The following NTM variants were observed in gnomAD, a reference collection of about 807,000 sequenced individuals.
NTM encodes the protein neurotrimin.
NTM carries 13 observed loss-of-function variants against 42.1 expected under a neutral mutation model. That is an observed-to-expected ratio of 0.31 (90% CI 0.20 to 0.49). The LOEUF (loss-of-function observed/expected upper bound fraction) is 0.49. Among genes scored for constraint, NTM ranks in the 20% least tolerant of loss-of-function variants. The pLI, the probability that NTM is intolerant of heterozygous loss-of-function variation, is 0.99. For synonymous variants in NTM, 187 were observed against 179.2 expected, an observed-to-expected ratio of 1.04 and a Z score of -0.35; for missense variants, 373 against 452.8, an observed-to-expected ratio of 0.82 and a Z score of 1.60.
At chr11:132,307,862 AG>A in intron 5 of NTM, 39 bp downstream of exon 5, 1 of 1,601,326 alleles carries the variant, frequency 6.2e-7, no homozygotes, top group Non-Finnish European at 8.5e-7. Context: ...CACGTGCATC[AG>A]GCTGGCCTGT....
chr11:131,554,763 A>G (rs2136942736), intron 1 of NTM, among the ~76,000 whole-genome samples: 1 of 152,214 alleles, frequency 6.6e-6, no homozygotes, highest in East Asian at 1.9e-4. Context: ...TTTTGAAATC[A>G]CCTGGATTTT....
intron 2 of NTM, among the ~76,000 whole-genome samples, chr11:132,056,980 T>A (rs1256682643): frequency 6.6e-6 from 1 of 152,192 alleles, no homozygotes; most frequent in African/African-American, 2.4e-5. Context: ...CGTATAGCAG[T>A]GTTAGTACGA....
chr11:131,450,870 G>A (rs370847781), intron 1 of NTM, among the ~76,000 whole-genome samples: 31 of 152,014 alleles, frequency 2.0e-4, no homozygotes, highest in African/African-American at 6.0e-4. Flanking sequence ...GTTATGAATC[G>A]TAGTAGATGC....
chr11:131,584,822 T>C (rs151214838), intron 1 of NTM, among the ~76,000 whole-genome samples: 2,052 of 152,274 alleles, frequency 0.013, 43 homozygotes, highest in Non-Finnish European at 0.017. Flanking sequence ...CTGGGATCCA[T>C]GTGACCCTTT....
chr11:132,162,845 A>G (rs980228782), intron 3 of NTM, among the ~76,000 whole-genome samples: 1 of 151,602 alleles, frequency 6.6e-6, no homozygotes, highest in African/African-American at 2.4e-5. Flanking sequence ...TTTGTGGAGC[A>G]TGTGTGAGTG....
intron 1 of NTM, among the ~76,000 whole-genome samples, chr11:131,631,309 C>T (rs2063633367): frequency 6.6e-6 from 1 of 152,158 alleles, no homozygotes. Context: ...CAGAGAAAAC[C>T]ACGCAAATAA....
At chr11:131,441,653 A>G (rs1949635958) in intron 1 of NTM, among the ~76,000 whole-genome samples, 1 of 152,176 alleles carries the variant, frequency 6.6e-6, no homozygotes, top group Admixed American at 6.5e-5. Context: ...CCAAACCCAT[A>G]TGAATGAATT....
intron 1 of NTM, among the ~76,000 whole-genome samples, chr11:131,558,624 T>C (rs1222504807): frequency 6.6e-6 from 1 of 152,222 alleles, no homozygotes; most frequent in East Asian, 1.9e-4. Flanking sequence ...TTTAGACTAT[T>C]CTTTGCTAAT....
At chr11:132,196,243 T>G (rs1467006732) in intron 3 of NTM, among the ~76,000 whole-genome samples, 2 of 152,030 alleles carry the variant, frequency 1.3e-5, no homozygotes, top group African/African-American at 4.8e-5. Context: ...CAAACCACAA[T>G]GAGATACCAT....
intron 1 of NTM, among the ~76,000 whole-genome samples, chr11:131,851,998 T>C (rs76722778): frequency 0.015 from 2,255 of 152,224 alleles, 61 homozygotes; most frequent in African/African-American, 0.051. Context: ...GCTTGCCATG[T>C]TGAGGATGAG....
At chr11:131,430,514 T>C (rs1948566149) in intron 1 of NTM, among the ~76,000 whole-genome samples, 1 of 152,138 alleles carries the variant, frequency 6.6e-6, no homozygotes, top group African/African-American at 2.4e-5. Context: ...CACAGCTTTT[T>C]CTCCTGGGCC....
chr11:131,665,621 C>A (rs1021754363), intron 1 of NTM, among the ~76,000 whole-genome samples: 1 of 152,216 alleles, frequency 6.6e-6, no homozygotes, highest in African/African-American at 2.4e-5. Context: ...TGATCTTGAA[C>A]TTCTAACCTG....
chr11:132,133,661 C>T (rs997225235), intron 2 of NTM, among the ~76,000 whole-genome samples: 1 of 152,112 alleles, frequency 6.6e-6, no homozygotes, highest in Admixed American at 6.5e-5. Flanking sequence ...ACCTTAAGAG[C>T]ATGTCTGTTT....
intron 3 of NTM, among the ~76,000 whole-genome samples, chr11:132,204,163 T>C (rs1479892524): frequency 6.6e-6 from 1 of 152,154 alleles, no homozygotes; most frequent in Non-Finnish European, 1.5e-5. Flanking sequence ...GTGGGGTTCA[T>C]ACAGTGAAAA....
chr11:131,725,257 T>C (rs548328421), intron 1 of NTM, among the ~76,000 whole-genome samples: 14 of 152,300 alleles, frequency 9.2e-5, no homozygotes, highest in African/African-American at 2.6e-4. Context: ...TGAAGTACTA[T>C]ATTAATGAAC....
intron 2 of NTM, among the ~76,000 whole-genome samples, chr11:132,037,862 G>A (rs2076698210): frequency 1.3e-5 from 2 of 152,180 alleles, no homozygotes; most frequent in Admixed American, 1.3e-4. Flanking sequence ...TATATAGACA[G>A]CCATATGCTA....
At chr11:131,422,542 G>A (rs1947644104) in intron 1 of NTM, among the ~76,000 whole-genome samples, 1 of 152,212 alleles carries the variant, frequency 6.6e-6, no homozygotes, top group South Asian at 2.1e-4. Context: ...AATTTCTTGG[G>A]CAAATCTCAG....
intron 1 of NTM, among the ~76,000 whole-genome samples, chr11:131,877,395 C>T (rs747977603): frequency 2.1e-4 from 32 of 152,172 alleles, no homozygotes; most frequent in Non-Finnish European, 4.6e-4. Flanking sequence ...AGAGTGTGTC[C>T]ACCAGGAACC....
At chr11:131,389,371 C>G (rs1450095647) in intron 1 of NTM, among the ~76,000 whole-genome samples, 1 of 152,182 alleles carries the variant, frequency 6.6e-6, no homozygotes, top group Non-Finnish European at 1.5e-5. Flanking sequence ...TTGCCGGTGC[C>G]CAGAATATCT....
Sources: gnomAD v4.1 joint callset for allele counts (sites outside exome capture counted in the v4.1 genomes callset) on GRCh38, gnomAD v4.1.1 for gene constraint, MANE v1.5 for transcripts, NCBI Gene and HGNC (gene_info 2026-07-23, HGNC 2026-07-21) for gene names.